NIPSNAP3A: variants seen among roughly 807,000 people sequenced by gnomAD.
NIPSNAP3A encodes protein NipSnap homolog 3A.
Under a neutral mutation model 32.3 loss-of-function variants are expected in NIPSNAP3A, and 27 were observed. The ratio of observed to expected loss-of-function variants is 0.84; its 90% CI spans 0.62 to 1.15. The LOEUF (loss-of-function observed/expected upper bound fraction) is 1.15, where lower values mean the gene tolerates loss of function less well. Ranked by LOEUF, NIPSNAP3A falls within the 50% of genes most tolerant of loss-of-function variation. NIPSNAP3A has a pLI of 0.00. For synonymous variants in NIPSNAP3A, 108 were observed against 107.3 expected (o/e 1.01, Z -0.04); for missense variants, 278 against 297.2 (o/e 0.94, Z 0.48).
chr9:104,747,819 T>G lies in NIPSNAP3A; in HGVS notation c.27T>G (p.Thr9=). 1 of 1,609,056 alleles carries G rather than the reference T, an allele frequency of 6.2e-7. No individual in the cohort carries two copies. The highest frequency in any genetic ancestry group is 1.1e-5 in the South Asian group (1 of 90,652). Residue 9 remains threonine, a synonymous_variant, in exon 1 of 6, where the codon ACT becomes ACG. Coordinates refer to ENST00000374767, the MANE Select transcript of NIPSNAP3A (RefSeq NM_015469.3). MLVLRSAL[T]RALASRTLAP... ...TGCTCGTCCTCAGAAGCGCCCTGACTCGGGCGCTGGCCTCACGGACGCTGG... is the reference window on the plus strand; with the variant it reads ...TGCTCGTCCTCAGAAGCGCCCTGACGCGGGCGCTGGCCTCACGGACGCTGG...
chr9:104,748,404 G>A (rs1025050706), intron 1 of NIPSNAP3A, among the ~76,000 whole-genome samples: 1 of 152,128 alleles, frequency 6.6e-6, no homozygotes, highest in South Asian at 2.1e-4. Flanking sequence ...GGGTCCCGGT[G>A]GGGCTGGACC....
At chr9:104,756,984 A>G (rs527751507) in intron 4 of NIPSNAP3A, among the ~76,000 whole-genome samples, 2 of 151,776 alleles carry the variant, frequency 1.3e-5, no homozygotes, top group Non-Finnish European at 2.9e-5. Context: ...TTGTATTTTT[A>G]GTAGAGACAG....
At chr9:104,751,767 T>G (rs1391163434) in intron 2 of NIPSNAP3A, among the ~76,000 whole-genome samples, 1 of 152,102 alleles carries the variant, frequency 6.6e-6, no homozygotes, top group African/African-American at 2.4e-5. Flanking sequence ...TTTGAGGAAT[T>G]CACTGTCATA....
At chr9:104,750,867 G>A (rs1827839738) in intron 1 of NIPSNAP3A, 89 bp from the exon 2 acceptor site, 3 of 998,882 alleles carry the variant, frequency 3.0e-6, no homozygotes, top group Non-Finnish European at 4.8e-6. Context: ...GTCTATGAGT[G>A]TCCCTTGTAC....
Position 104,750,972 on chromosome 9 carries a change from C to T in NIPSNAP3A, c.77C>T (p.Ala26Val). The change falls in exon 2 of 6, where the codon GCT (alanine) becomes GTT (valine). Residue 26 changes from alanine (A) to valine (V), a missense_variant. Coordinates refer to ENST00000374767, the MANE Select transcript of NIPSNAP3A (RefSeq NM_015469.3). Reference sequence around the variant, plus strand: ...CTTCTTCAGATGTGCTCATCTTTTGCTACGGGACCCAGACAATACGATGGA... The same window carrying T: ...CTTCTTCAGATGTGCTCATCTTTTGTTACGGGACCCAGACAATACGATGGA... ...TLAPQMCSSF[A>V]TGPRQYDGIF... 1 of 1,613,048 alleles carries T rather than the reference C, an allele frequency of 6.2e-7. No homozygotes were observed. The highest frequency in any genetic ancestry group is 8.5e-7 in the Non-Finnish European group (1 of 1,179,068).
In NIPSNAP3A at chr9:104,755,005, C is replaced by G. The variant is rs557306217; in HGVS notation, c.580+305C>G. On this transcript the variant is annotated intron_variant, in intron 4 of 5. Transcript: ENST00000374767. ...CCTGTAATCCCAGCACTTTTGGAGG[C>G]TGAGGGGGTGGATCACCTGAGGTCA... Among the ~76,000 whole-genome samples the G allele has an allele frequency of 9.2e-5, 14 of 152,156 alleles. No individual in the cohort carries two copies. The South Asian group carries it at 2.9e-3, about 32-fold the overall frequency.
At position 104,754,689 on chromosome 9, in the gene NIPSNAP3A, C is replaced by T. The variant is rs1235751124; in HGVS notation, c.569C>T (p.Ala190Val). The change falls in exon 4 of 6, where the codon GCA becomes GTA. Residue 190 changes from alanine (A) to valine (V), a missense_variant. Ala to Val is a moderately conservative substitution (Grantham distance 64). Transcript: ENST00000374767. ...GGAGTGTTCCACACAGAGTACGGAG[C>T]ACTCAACAGAGGTACAATTGTCCAT... is the stretch of plus-strand genomic sequence containing the variant. ...LVGVFHTEYG[A>V]LNRVHVLWWN... is the part of the protein sequence containing the mutation. 6.2e-7 allele frequency: 1 copy of T among 1,613,348 alleles called. No individual in the cohort carries two copies. Among genetic ancestry groups the T allele is most frequent in the Non-Finnish European group, 8.5e-7 (1 of 1,179,372 alleles).
chr9:104,750,919 C>G lies in NIPSNAP3A; in HGVS notation c.61-37C>G, dbSNP rs531831396. On this transcript the variant is annotated intron_variant, in intron 1 of 5. Transcript: ENST00000374767. ...TTTAACACAATATAATGAATCCTGT[C>G]TTCTCAAGATATTTACATTTGTCTT... is the stretch of plus-strand genomic sequence containing the variant. The G allele has an allele frequency of 1.2e-4, 180 of 1,495,208 alleles. 3 individuals carry two copies. The South Asian group carries it at 1.9e-3, about 16-fold the overall frequency. The allele number at this position is 1,495,208 out of a possible 1,614,324, so 92.6% of individuals were successfully genotyped here. A position where few individuals can be genotyped will look rare whatever the true frequency, so the allele number is the denominator to read the frequency against.
intron 1 of NIPSNAP3A, 55 bp from the exon 2 acceptor site, chr9:104,750,901 C>T (rs1827840127): frequency 5.8e-6 from 8 of 1,382,454 alleles, no homozygotes; most frequent in Non-Finnish European, 7.2e-6. Flanking sequence ...GGTTTTAACA[C>T]AATATAATGA....
chr9:104,755,125 C>T (rs1459232398), intron 4 of NIPSNAP3A, among the ~76,000 whole-genome samples: 1 of 151,866 alleles, frequency 6.6e-6, no homozygotes, highest in East Asian at 1.9e-4. Flanking sequence ...CCTGTAATCC[C>T]AGCTATTCTG....
At chr9:104,750,005 TC>T (rs1476855191) in intron 1 of NIPSNAP3A, among the ~76,000 whole-genome samples, 4 of 152,208 alleles carry the variant, frequency 2.6e-5, no homozygotes, top group Non-Finnish European at 5.9e-5. Context: ...TTAGTTACAT[TC>T]CAGTCCTAAT....
At chr9:104,757,653 C>T (rs930847139) in intron 4 of NIPSNAP3A, among the ~76,000 whole-genome samples, 5 of 152,238 alleles carry the variant, frequency 3.3e-5, no homozygotes, top group African/African-American at 1.2e-4. Flanking sequence ...TTATGTAATA[C>T]ATACGTAATA....
rs759639682 is a variant in NIPSNAP3A at position 104,747,764 on chromosome 9, G to A, written c.-29G>A. ...AGGAGTCTCAGAAAGGACACGGCTGGCTGCTTTTCTCAGCGCCGAAGCCGC... is the reference window on the plus strand; with the variant it reads ...AGGAGTCTCAGAAAGGACACGGCTGACTGCTTTTCTCAGCGCCGAAGCCGC... On this transcript the variant is annotated 5_prime_UTR_variant, in exon 1 of 6. Coordinates refer to ENST00000374767, the MANE Select transcript of NIPSNAP3A (RefSeq NM_015469.3). 6.2e-7 allele frequency: 1 copy of A among 1,601,100 alleles called. No homozygotes were observed.
intron 2 of NIPSNAP3A, among the ~76,000 whole-genome samples, chr9:104,751,741 T>C (rs1827851073): frequency 6.6e-6 from 1 of 152,146 alleles, no homozygotes; most frequent in Non-Finnish European, 1.5e-5. Context: ...TTGTTTCATA[T>C]CTGTACCCCC....
intron 4 of NIPSNAP3A, among the ~76,000 whole-genome samples, chr9:104,757,206 T>C (rs998005485): frequency 6.6e-6 from 1 of 152,216 alleles, no homozygotes; most frequent in African/African-American, 2.4e-5. Flanking sequence ...GTTAGGAGAA[T>C]TGGTAATCAG....
In NIPSNAP3A at chr9:104,747,888, C is replaced by T. The variant is rs773767876; in HGVS notation, c.60+36C>T. 36 of 1,447,788 alleles carry T rather than the reference C, an allele frequency of 2.5e-5. No individual in the cohort carries two copies. In the East Asian group the frequency reaches 6.1e-4, roughly 24 times the overall value. The allele number at this position is 1,447,788 out of a possible 1,614,324, so 89.7% of individuals were successfully genotyped here. A position where few individuals can be genotyped will look rare whatever the true frequency, so the allele number is the denominator to read the frequency against. On this transcript the variant is annotated intron_variant, in intron 1 of 5. Coordinates refer to ENST00000374767, the MANE Select transcript of NIPSNAP3A (RefSeq NM_015469.3). ...CGGGGGTACCCAAGCCTTCACCCGA[C>T]GGGAGGGGAGGGGCGGGGCGGGGAG...
chr9:104,754,740 A>C (rs764783718), intron 4 of NIPSNAP3A, 40 bp downstream of exon 4: 2 of 1,549,494 alleles, frequency 1.3e-6, no homozygotes, highest in Non-Finnish European at 1.8e-6. Flanking sequence ...ATTGTAATAT[A>C]TATTGTGACC....
intron 1 of NIPSNAP3A, among the ~76,000 whole-genome samples, chr9:104,748,662 T>C (rs1827808316): frequency 6.6e-6 from 1 of 152,204 alleles, no homozygotes; most frequent in Non-Finnish European, 1.5e-5. Context: ...GGGATTAACC[T>C]GTCCTAGAGA....
chr9:104,753,286 A>G (rs1366571849), intron 3 of NIPSNAP3A, among the ~76,000 whole-genome samples: 1 of 152,224 alleles, frequency 6.6e-6, no homozygotes, highest in Admixed American at 6.5e-5. Context: ...GACCTTGCAG[A>G]TTTGTAAAGC....
Sources: allele counts gnomAD v4.1 joint callset (sites outside exome capture counted in the v4.1 genomes callset), GRCh38; gene constraint gnomAD v4.1.1; transcripts MANE v1.5; gene names NCBI Gene and HGNC (gene_info 2026-07-23, HGNC 2026-07-21).